Variants in SNX29 observed in about 807,000 individuals in gnomAD.
SNX29 encodes sorting nexin-29.
A neutral mutation model predicts 102.1 loss-of-function variants in SNX29; 78 were observed. That is an observed-to-expected ratio of 0.76 (90% CI 0.64 to 0.92). The LOEUF (loss-of-function observed/expected upper bound fraction) is 0.92. Ranked by LOEUF, SNX29 falls within the 40% of genes least tolerant of loss-of-function variation. SNX29 has a pLI of 0.00. For synonymous variants in SNX29, 580 were observed against 414.5 expected (o/e 1.40, Z -4.85); for missense variants, 1,280 against 1,061.7 (o/e 1.21, Z -2.86).
chr16:12,258,662 A>C lies in SNX29; in HGVS notation c.1679-19271A>C, dbSNP rs548571330. 2.0e-5 allele frequency among the ~76,000 whole-genome samples: 3 copies of C among 152,214 alleles called. No homozygotes were observed. The South Asian group carries it at 6.2e-4, about 32-fold the overall frequency. On this transcript the variant is annotated intron_variant, in intron 14 of 20. Transcript: ENST00000566228. ...CACAATGTATATACTGGGGCAGCAA[A>C]TGCAGTGGTGGCATCAGAATTCCAG...
At chr16:12,412,375 T>C (rs1228586092) in intron 18 of SNX29, among the ~76,000 whole-genome samples, 3 of 152,182 alleles carry the variant, frequency 2.0e-5, no homozygotes, top group Admixed American at 6.5e-5. Context: ...CACAAATTTG[T>C]CTCAGTGAAA....
chr16:12,170,899 C>G (rs1053724824), intron 13 of SNX29, among the ~76,000 whole-genome samples: 1 of 151,778 alleles, frequency 6.6e-6, no homozygotes, highest in South Asian at 2.1e-4. Context: ...CGAGACATCC[C>G]GGAGGCCCTG....
At chr16:11,978,582 G>C (rs373754532) in intron 1 of SNX29, among the ~76,000 whole-genome samples, 1 of 152,154 alleles carries the variant, frequency 6.6e-6, no homozygotes, top group Non-Finnish European at 1.5e-5. Flanking sequence ...GTAGGAGTGG[G>C]GTTGTTTTTG....
chr16:12,033,298 T>A (rs1417174329), intron 4 of SNX29, among the ~76,000 whole-genome samples: 4 of 152,114 alleles, frequency 2.6e-5, no homozygotes, highest in Non-Finnish European at 1.5e-5. Flanking sequence ...GGACAGTATC[T>A]TACTATCTTG....
intron 15 of SNX29, among the ~76,000 whole-genome samples, chr16:12,341,526 T>C (rs1195267703): frequency 6.6e-6 from 1 of 152,196 alleles, no homozygotes; most frequent in African/African-American, 2.4e-5. Flanking sequence ...TTTAACAAAA[T>C]AAAAGCTTAT....
chr16:12,245,422 G>T (rs1366100559), intron 14 of SNX29, among the ~76,000 whole-genome samples: 2 of 151,526 alleles, frequency 1.3e-5, no homozygotes, highest in Non-Finnish European at 2.9e-5. Context: ...ACATGTCAAA[G>T]ATGACATGTT....
At chr16:12,107,284 T>A (rs1307820907) in intron 11 of SNX29, among the ~76,000 whole-genome samples, 2 of 151,434 alleles carry the variant, frequency 1.3e-5, no homozygotes, top group African/African-American at 4.8e-5. Context: ...ACAGCTGGCA[T>A]CTGCTCCAGG....
At chr16:11,993,205 G>A (rs1436099079) in intron 1 of SNX29, among the ~76,000 whole-genome samples, 1 of 144,272 alleles carries the variant, frequency 6.9e-6, no homozygotes, top group East Asian at 2.1e-4. Flanking sequence ...AAATATCTGT[G>A]TGGCCTTGAT....
chr16:12,053,481 G>C (rs1410593563), intron 8 of SNX29, among the ~76,000 whole-genome samples: 1 of 151,476 alleles, frequency 6.6e-6, no homozygotes, highest in African/African-American at 2.4e-5. Context: ...GATTCCTTAA[G>C]GCCAGGAGTT....
At chr16:12,221,134 A>C (rs2077465932) in intron 14 of SNX29, among the ~76,000 whole-genome samples, 1 of 149,800 alleles carries the variant, frequency 6.7e-6, no homozygotes, top group Admixed American at 6.7e-5. Context: ...TCTTCATTCC[A>C]CTCGGCATTT....
chr16:12,046,594 T>C, intron 6 of SNX29, 140 bp downstream of exon 6: 1 of 745,456 alleles, frequency 1.3e-6, no homozygotes, highest in Non-Finnish European at 2.3e-6. Context: ...GCTGTCCTTC[T>C]TTTACTAGGA....
rs569381790 is a variant in SNX29, at chr16:12,120,129, T to A, written c.1403-6504T>A. 7.2e-5 allele frequency among the ~76,000 whole-genome samples: 11 copies of A among 152,252 alleles called. No individual in the cohort carries two copies. In the East Asian group the frequency reaches 1.9e-3, roughly 27 times the overall value. Reference sequence around the variant, plus strand: ...TTAAAAGTTACATTTTAGAGCTCGATATAGTTTATCCTTTCTTTTGGAGAT... The same window carrying A: ...TTAAAAGTTACATTTTAGAGCTCGAAATAGTTTATCCTTTCTTTTGGAGAT... On this transcript the variant is annotated intron_variant, in intron 11 of 20. Coordinates refer to ENST00000566228, the MANE Select transcript of SNX29 (RefSeq NM_032167.5).
At chr16:12,415,905 A>C (rs1317834903) in intron 18 of SNX29, among the ~76,000 whole-genome samples, 1 of 152,062 alleles carries the variant, frequency 6.6e-6, no homozygotes, top group Non-Finnish European at 1.5e-5. Context: ...TCCCCTGGGG[A>C]GATCATCTTG....
At position 12,023,064 on chromosome 16, in the gene SNX29, T is replaced by G. The variant is rs117498859; in HGVS notation, c.123-4256T>G. Reference sequence around the variant, plus strand: ...GGTGCCTGCTGTAACGCCCAGTGAATTTTTCTGTTTTTAGTAGAGTTGAGA... The same window carrying G: ...GGTGCCTGCTGTAACGCCCAGTGAAGTTTTCTGTTTTTAGTAGAGTTGAGA... On this transcript the variant is annotated intron_variant, in intron 3 of 20. Coordinates refer to ENST00000566228, the MANE Select transcript of SNX29 (RefSeq NM_032167.5). Among the ~76,000 whole-genome samples, 24 of 152,074 alleles carry G rather than the reference T, an allele frequency of 1.6e-4. No homozygotes were observed. The East Asian group carries it at 4.5e-3, about 28-fold the overall frequency.
chr16:12,016,875 C>G (rs756836201), intron 3 of SNX29, among the ~76,000 whole-genome samples: 9 of 152,138 alleles, frequency 5.9e-5, no homozygotes, highest in African/African-American at 1.9e-4. Flanking sequence ...ACCTATAATT[C>G]TAGCACTTTG....
intron 9 of SNX29, among the ~76,000 whole-genome samples, chr16:12,067,139 C>T (rs1224218346): frequency 6.6e-6 from 1 of 151,974 alleles, no homozygotes; most frequent in African/African-American, 2.4e-5. Context: ...GAGCTATAAT[C>T]GTGCCACTGC....
At chr16:12,044,284 G>T (rs1174434549) in intron 5 of SNX29, among the ~76,000 whole-genome samples, 1 of 152,148 alleles carries the variant, frequency 6.6e-6, no homozygotes, top group Non-Finnish European at 1.5e-5. Flanking sequence ...CCTAGTTCAG[G>T]TCTCCTCTTC....
At chr16:12,493,565 A>G (rs1415821377) in intron 19 of SNX29, among the ~76,000 whole-genome samples, 6 of 152,250 alleles carry the variant, frequency 3.9e-5, no homozygotes, top group African/African-American at 1.2e-4. Context: ...AGAACTTCCA[A>G]CACTATGTTG....
At chr16:12,393,892 G>GTA (rs1567518090) in intron 16 of SNX29, among the ~76,000 whole-genome samples, 1 of 152,252 alleles carries the variant, frequency 6.6e-6, no homozygotes, top group African/African-American at 2.4e-5. Flanking sequence ...TTGTCATGAG[G>GTA]TAGGCAAGGA....
Sources: gnomAD v4.1 joint callset for allele counts (sites outside exome capture counted in the v4.1 genomes callset) on GRCh38, gnomAD v4.1.1 for gene constraint, MANE v1.5 for transcripts, NCBI Gene and HGNC (gene_info 2026-07-23, HGNC 2026-07-21) for gene names.